The following DGCR2 variants were observed in gnomAD, a reference collection of about 807,000 sequenced individuals.
DGCR2 encodes the protein integral membrane protein DGCR2/IDD.
A neutral mutation model predicts 51.6 loss-of-function variants in DGCR2; 24 were observed. The observed-to-expected ratio is 0.47, with a 90% confidence interval of 0.34 to 0.65. DGCR2 has a LOEUF of 0.65. Among genes scored for constraint, DGCR2 ranks in the 30% least tolerant of loss-of-function variants. The pLI is 0.01. For missense variants in DGCR2, 765 were observed against 772.1 expected, an observed-to-expected ratio of 0.99 and a Z score of 0.11; for synonymous variants, 340 against 315.4, an observed-to-expected ratio of 1.08 and a Z score of -0.82.
In DGCR2 at chr22:19,073,268, A is replaced by C. The variant is rs73386943; in HGVS notation, c.203-5043T>G. ...GACAGTGAGACCTGTCACACACACA[A>C]AAAAAAACTGAATACATGACAGCAA... On this transcript the variant is annotated intron_variant, in intron 2 of 9. Transcript: ENST00000263196. Among the ~76,000 whole-genome samples the C allele has an allele frequency of 4.1e-3, 623 of 151,760 alleles. 3 individuals carry two copies. Among genetic ancestry groups the C allele is most frequent in the African/African-American group, 0.013 (556 of 41,518 alleles).
intron 1 of DGCR2, among the ~76,000 whole-genome samples, chr22:19,101,074 G>A (rs1051761230): frequency 7.9e-5 from 12 of 152,140 alleles, no homozygotes; most frequent in African/African-American, 1.2e-4. Context: ...CTGCGCCATT[G>A]TACTCCAGCC....
chr22:19,114,226 T>C (rs1242788362), intron 1 of DGCR2, among the ~76,000 whole-genome samples: 2 of 151,862 alleles, frequency 1.3e-5, no homozygotes, highest in Non-Finnish European at 2.9e-5. Context: ...ATACAAAAAT[T>C]AAATAAAAAA....
At position 19,041,224 on chromosome 22, in the gene DGCR2, G is replaced by A; in HGVS notation, c.1230C>T (p.Leu410=). ...CGTCGTCAGAAAGATGCAGCGGCGTGAGGCCCGTGCCAAACCCGTCTGGGC... is the reference window on the plus strand; with the variant it reads ...CGTCGTCAGAAAGATGCAGCGGCGTAAGGCCCGTGCCAAACCCGTCTGGGC... ...DYGPDGFGTG[L]TPLHLSDDGE... is the part of the protein sequence containing the mutation. Residue 410 remains leucine (L), a synonymous_variant, in exon 9 of 10, where the codon CTC becomes CTT. Transcript: ENST00000263196. The A allele has an allele frequency of 2.5e-6, 4 of 1,614,142 alleles. No homozygotes were observed. Among genetic ancestry groups the A allele is most frequent in the Non-Finnish European group, 3.4e-6 (4 of 1,180,008 alleles).
At chr22:19,111,839 G>A (rs1166671715) in intron 1 of DGCR2, among the ~76,000 whole-genome samples, 1 of 132,588 alleles carries the variant, frequency 7.5e-6, no homozygotes, top group African/African-American at 3.2e-5. Context: ...ACTCTTTTTT[G>A]TTTTTATTTT....
intron 2 of DGCR2, among the ~76,000 whole-genome samples, chr22:19,078,138 ATTTCT>A (rs1288623258): frequency 6.6e-6 from 1 of 152,078 alleles, no homozygotes; most frequent in Non-Finnish European, 1.5e-5. Flanking sequence ...GTCTTCTTTA[ATTTCT>A]TTTAACATTT....
At chr22:19,108,631 GAATACAGATCTCAGA>G (rs2083284400) in intron 1 of DGCR2, among the ~76,000 whole-genome samples, 2 of 113,690 alleles carry the variant, frequency 1.8e-5, no homozygotes, top group Non-Finnish European at 1.9e-5. Context: ...GAACAGAATA[GAATACAGATCTCAGA>G]AATAGACCTA....
At chr22:19,115,146 C>T (rs558320331) in intron 1 of DGCR2, among the ~76,000 whole-genome samples, 110 of 152,324 alleles carry the variant, frequency 7.2e-4, no homozygotes, top group African/African-American at 2.6e-3. Context: ...CAGCTCTTGA[C>T]CAGAAACAAG....
chr22:19,094,292 G>A (rs763946271), intron 1 of DGCR2, among the ~76,000 whole-genome samples: 32 of 152,314 alleles, frequency 2.1e-4, no homozygotes, highest in Non-Finnish European at 4.0e-4. Context: ...GATGGGTGCG[G>A]TGGCGGGCGC....
rs1374686138 is a variant in DGCR2, at chr22:19,057,347, G to C, written c.626-185C>G. 6.6e-6 allele frequency among the ~76,000 whole-genome samples: 1 copy of C among 152,224 alleles called. No individual in the cohort carries two copies. Among genetic ancestry groups the C allele is most frequent in the African/African-American group, 2.4e-5 (1 of 41,464 alleles). ...CAACCTCCTGGGAGTCACCCCAGGTGCTGGGCCTAGCGGGAGCCACTCCTT... is the reference window on the plus strand; with the variant it reads ...CAACCTCCTGGGAGTCACCCCAGGTCCTGGGCCTAGCGGGAGCCACTCCTT... On this transcript the variant is annotated intron_variant, in intron 5 of 9. Coordinates refer to ENST00000263196, the MANE Select transcript of DGCR2 (RefSeq NM_005137.3). This position sits in a 1 kb window ranked among gnomAD's most constrained non-coding sequence, Gnocchi z 5.1.
intron 3 of DGCR2, among the ~76,000 whole-genome samples, chr22:19,066,388 AGAGT>A (rs1184148025): frequency 6.6e-6 from 1 of 152,172 alleles, no homozygotes; most frequent in Non-Finnish European, 1.5e-5. Context: ...CCTGGGTGAC[AGAGT>A]GAGACCCTGT....
At chr22:19,049,805 C>T (rs949389672) in intron 6 of DGCR2, among the ~76,000 whole-genome samples, 1 of 139,722 alleles carries the variant, frequency 7.2e-6, no homozygotes, top group Non-Finnish European at 1.5e-5. Flanking sequence ...CCAGCCTGGG[C>T]GACAGCATGA....
intron 1 of DGCR2, among the ~76,000 whole-genome samples, chr22:19,097,804 C>T (rs1365616470): frequency 6.6e-6 from 1 of 152,174 alleles, no homozygotes; most frequent in Non-Finnish European, 1.5e-5. Flanking sequence ...TGAGAAGAGT[C>T]TGTAAGGTGA....
At chr22:19,117,725 T>A (rs1186067833) in intron 1 of DGCR2, among the ~76,000 whole-genome samples, 1 of 152,234 alleles carries the variant, frequency 6.6e-6, no homozygotes, top group Non-Finnish European at 1.5e-5. Flanking sequence ...ACTTTACTCT[T>A]GCAACTTTTC....
At chr22:19,113,939 A>T (rs947581252) in intron 1 of DGCR2, among the ~76,000 whole-genome samples, 53 of 151,852 alleles carry the variant, frequency 3.5e-4, no homozygotes, top group African/African-American at 1.2e-3. Context: ...GACGCCTGTC[A>T]TCCCAGCTAC....
intron 2 of DGCR2, among the ~76,000 whole-genome samples, chr22:19,084,128 TGCCCG>T (rs993352261): frequency 2.6e-5 from 4 of 152,124 alleles, no homozygotes; most frequent in Admixed American, 1.3e-4. Flanking sequence ...TTGCAGCCTC[TGCCCG>T]GCCACCACCC....
intron 2 of DGCR2, among the ~76,000 whole-genome samples, chr22:19,073,972 C>CA (rs1293910758): frequency 6.6e-6 from 1 of 152,104 alleles, no homozygotes; most frequent in Non-Finnish European, 1.5e-5. Context: ...TGAGGACCAC[C>CA]AGGGGCGTCT....
rs115603832 is a variant in DGCR2, at chr22:19,065,629, G to A, written c.329-562C>T. ...ATAAGGTGTGGGCGATGCCACAGGT[G>A]GCAAAGCTAAGGAGCCAGCCAGCAC... On this transcript the variant is annotated intron_variant, in intron 3 of 9. Transcript: ENST00000263196. The A allele has an allele frequency of 7.5e-3, 1,175 of 157,686 alleles. 20 individuals carry two copies. Among genetic ancestry groups the A allele is most frequent in the African/African-American group, 0.026 (1,092 of 41,572 alleles). 9.8% of individuals were successfully genotyped at this position (157,686 alleles called of 1,614,324 possible).
chr22:19,054,685 C>T (rs1015661356), intron 6 of DGCR2, among the ~76,000 whole-genome samples: 4 of 151,266 alleles, frequency 2.6e-5, no homozygotes, highest in South Asian at 2.1e-4. Flanking sequence ...GTGCTATGAT[C>T]GTGCCTGTGA....
intron 1 of DGCR2, among the ~76,000 whole-genome samples, chr22:19,119,212 G>T (rs1035503136): frequency 6.6e-6 from 1 of 152,212 alleles, no homozygotes; most frequent in African/African-American, 2.4e-5. Flanking sequence ...GAGACACACA[G>T]TTGGAGTGCA....
Sources: allele counts gnomAD v4.1 joint callset (sites outside exome capture counted in the v4.1 genomes callset), GRCh38; gene constraint gnomAD v4.1.1; non-coding constraint Gnocchi (gnomAD v3.1); transcripts MANE v1.5; gene names NCBI Gene and HGNC (gene_info 2026-07-23, HGNC 2026-07-21).